LPA: variants seen among roughly 807,000 people sequenced by gnomAD.
LPA encodes the protein apolipoprotein(a).
A neutral mutation model predicts 197.9 loss-of-function variants in LPA; 199 were observed. The observed-to-expected ratio is 1.01, with a 90% confidence interval of 0.90 to 1.13. The LOEUF (loss-of-function observed/expected upper bound fraction) is 1.13. Among genes scored for constraint, LPA ranks in the 50% most tolerant of loss-of-function variants. The pLI, the probability that LPA is intolerant of heterozygous loss-of-function variation, is 0.00. For missense variants in LPA, 1,853 were observed against 1,785.8 expected, an observed-to-expected ratio of 1.04 and a Z score of -0.68; for synonymous variants, 715 against 639.5, an observed-to-expected ratio of 1.12 and a Z score of -1.78.
At chr6:160,580,774 T>C (rs1471581129) in intron 26 of LPA, among the ~76,000 whole-genome samples, 2 of 152,250 alleles carry the variant, frequency 1.3e-5, no homozygotes, top group Non-Finnish European at 2.9e-5. Flanking sequence ...CTCTGATTAG[T>C]GAGTGGGAGA....
chr6:160,536,310 T>A (rs1777894525), intron 37 of LPA, among the ~76,000 whole-genome samples: 1 of 152,302 alleles, frequency 6.6e-6, no homozygotes, highest in South Asian at 2.1e-4. Flanking sequence ...TTTCCCTTGT[T>A]TTGCTTAATC....
rs1354204769 is a variant in LPA, at chr6:160,643,133, C to T, written c.551+1714G>A. On this transcript the variant is annotated intron_variant, in intron 4 of 38. Transcript: ENST00000316300. Reference sequence around the variant, plus strand: ...GTGTGTGTAGCTCATTCTGTAGGTTCTCTAGAATTGTGTGTTGGGTAATGT... The same window carrying T: ...GTGTGTGTAGCTCATTCTGTAGGTTTTCTAGAATTGTGTGTTGGGTAATGT... 5.4e-5 allele frequency among the ~76,000 whole-genome samples: 8 copies of T among 148,922 alleles called. No homozygotes were observed. The East Asian group carries it at 1.6e-3, about 29-fold the overall frequency.
chr6:160,653,844 G>A (rs1323917832), intron 1 of LPA, among the ~76,000 whole-genome samples: 1 of 135,632 alleles, frequency 7.4e-6, no homozygotes, highest in African/African-American at 2.8e-5. Context: ...ATATAAGGTT[G>A]GTTCAATGTA....
intron 28 of LPA, among the ~76,000 whole-genome samples, chr6:160,565,451 A>G (rs1778434969): frequency 6.6e-6 from 1 of 152,240 alleles, no homozygotes; most frequent in African/African-American, 2.4e-5. Context: ...ACAGACCTGC[A>G]GCTGAGGGTC....
chr6:160,648,577 C>T (rs1779947389), intron 2 of LPA, among the ~76,000 whole-genome samples: 1 of 151,620 alleles, frequency 6.6e-6, no homozygotes, highest in African/African-American at 2.4e-5. Context: ...TGTTTGTAAG[C>T]TTATACATGT....
chr6:160,589,991 G>C (rs951458539), intron 23 of LPA, among the ~76,000 whole-genome samples: 9 of 152,216 alleles, frequency 5.9e-5, no homozygotes, highest in African/African-American at 2.2e-4. Context: ...CTGTTCTTTG[G>C]CAAAGATCTC....
intron 16 of LPA, 34 bp downstream of exon 16, chr6:160,611,528 C>T (rs577788098): frequency 2.5e-6 from 4 of 1,607,054 alleles, no homozygotes; most frequent in Non-Finnish European, 3.4e-6. Context: ...TCAGTTGGCC[C>T]TTTATTCTCT....
At chr6:160,654,035 TTATATATAATATATAATATATTA>T (rs1562354862) in intron 1 of LPA, among the ~76,000 whole-genome samples, 9 of 10,346 alleles carry the variant, frequency 8.7e-4, no homozygotes, top group African/African-American at 5.2e-3. Flanking sequence ...ATAATATATA[TTATATATAATATATAATATATTA>T]TATATATTAT....
chr6:160,584,933 A>G, intron 26 of LPA, 113 bp downstream of exon 26: 4 of 1,117,788 alleles, frequency 3.6e-6, no homozygotes, highest in Non-Finnish European at 5.4e-6. Flanking sequence ...ATTTTGCTAC[A>G]AACTCTGAGT....
chr6:160,554,909 T>G (rs1778229012), intron 30 of LPA, among the ~76,000 whole-genome samples: 2 of 152,164 alleles, frequency 1.3e-5, no homozygotes, highest in African/African-American at 4.8e-5. Flanking sequence ...TGCCCTTCAG[T>G]CCAGGAAGGT....
chr6:160,652,338 A>AAAGATCAG (rs1299917586), intron 1 of LPA, among the ~76,000 whole-genome samples: 1 of 152,186 alleles, frequency 6.6e-6, no homozygotes, highest in Non-Finnish European at 1.5e-5. Flanking sequence ...ACAAAGAAAC[A>AAAGATCAG]AAGATCAGAT....
intron 28 of LPA, among the ~76,000 whole-genome samples, chr6:160,559,251 T>C (rs1392042055): frequency 6.6e-6 from 1 of 152,168 alleles, no homozygotes; most frequent in Non-Finnish European, 1.5e-5. Context: ...TTTTCCTCTT[T>C]TGGAGGAAAT....
In LPA at chr6:160,610,949, A is replaced by C. The variant is rs966928895; in HGVS notation, c.2603+613T>G. Among the ~76,000 whole-genome samples, 12 of 152,106 alleles carry C rather than the reference A, an allele frequency of 7.9e-5. No homozygotes were observed. The East Asian group carries it at 1.5e-3, about 20-fold the overall frequency. Reference sequence around the variant, plus strand: ...TGATTGGCCATGGGGTGGTCAGACCAGGGCTTCTATCCATCTACCCATCCC... The same window carrying C: ...TGATTGGCCATGGGGTGGTCAGACCCGGGCTTCTATCCATCTACCCATCCC... On this transcript the variant is annotated intron_variant, in intron 16 of 38. Transcript: ENST00000316300.
At chr6:160,580,126 C>T (rs1020519074) in intron 26 of LPA, among the ~76,000 whole-genome samples, 7 of 152,174 alleles carry the variant, frequency 4.6e-5, no homozygotes, top group African/African-American at 1.4e-4. Context: ...TGAATGGACT[C>T]ATACAGACTA....
chr6:160,649,916 T>C (rs1779972734), intron 2 of LPA, among the ~76,000 whole-genome samples: 2 of 152,200 alleles, frequency 1.3e-5, no homozygotes, highest in African/African-American at 4.8e-5. Context: ...TAGAAAAAGA[T>C]AGATTCGCCT....
intron 24 of LPA, among the ~76,000 whole-genome samples, chr6:160,586,888 C>A (rs982167918): frequency 6.6e-6 from 1 of 152,084 alleles, no homozygotes; most frequent in Non-Finnish European, 1.5e-5. Flanking sequence ...CAATGTGTAC[C>A]AGAAAGGATC....
intron 37 of LPA, among the ~76,000 whole-genome samples, chr6:160,537,045 G>T (rs55808219): frequency 0.021 from 3,151 of 152,300 alleles, 106 homozygotes; most frequent in African/African-American, 0.072. Flanking sequence ...AGTCAGAACA[G>T]TTTTCCAGGG....
At position 160,606,334 on chromosome 6, in the gene LPA, C is replaced by G. The variant is rs866351242; in HGVS notation, c.2785+143G>C. ...AATCCGCTGGCTCCCCCAGAGAGTG[C>G]ACGGAGGCTTCCTCCTACATGACAG... is the stretch of plus-strand genomic sequence containing the variant. On this transcript the variant is annotated intron_variant, in intron 17 of 38. Coordinates refer to ENST00000316300, the MANE Select transcript of LPA (RefSeq NM_005577.4). The G allele has an allele frequency of 4.8e-6, 6 of 1,252,024 alleles. No homozygotes were observed. The Middle Eastern group carries it at 1.1e-3, about 221-fold the overall frequency. 77.6% of individuals were successfully genotyped at this position (1,252,024 alleles called of 1,614,324 possible). A position where few individuals can be genotyped will look rare whatever the true frequency, so the allele number is the denominator to read the frequency against.
intron 30 of LPA, among the ~76,000 whole-genome samples, chr6:160,549,932 A>G (rs1187793355): frequency 6.6e-6 from 1 of 152,222 alleles, no homozygotes; most frequent in African/African-American, 2.4e-5. Context: ...TGAGTAAGTG[A>G]GAGGCACAGG....
Sources: allele counts gnomAD v4.1 joint callset (sites outside exome capture counted in the v4.1 genomes callset), GRCh38; gene constraint gnomAD v4.1.1; transcripts MANE v1.5; gene names NCBI Gene and HGNC (gene_info 2026-07-23, HGNC 2026-07-21).